The following NTRK1 variants were observed in gnomAD, a reference collection of about 807,000 sequenced individuals.
The protein encoded by NTRK1 is high affinity nerve growth factor receptor.
Under a neutral mutation model 86.8 loss-of-function variants are expected in NTRK1, and 62 were observed. The ratio of observed to expected loss-of-function variants is 0.71; its 90% CI spans 0.58 to 0.88. The LOEUF is 0.88. Among genes scored for constraint, NTRK1 ranks in the 40% least tolerant of loss-of-function variants. The pLI is 0.00. For missense variants in NTRK1, 967 were observed against 1,078.4 expected (o/e 0.90, Z 1.45); for synonymous variants, 469 against 456.6 (o/e 1.03, Z -0.35).
At position 156,868,179 on chromosome 1, in the gene NTRK1, C is replaced by T. The variant is rs144594313; in HGVS notation, c.504C>T (p.Gly168=). ...WLQRWEEEGL[G]GVPEQKLQCH... ...AGCGCTGGGAGGAGGAGGGACTGGGCGGAGTGCCTGAACAGAAGCTGCAGT... is the reference window on the plus strand; with the variant it reads ...AGCGCTGGGAGGAGGAGGGACTGGGTGGAGTGCCTGAACAGAAGCTGCAGT... Residue 168 remains glycine (G), a synonymous_variant, in exon 5 of 17, where the codon GGC becomes GGT. Coordinates refer to ENST00000524377, the MANE Select transcript of NTRK1 (RefSeq NM_002529.4). 1.2e-4 allele frequency: 201 copies of T among 1,613,648 alleles called. No individual in the cohort carries two copies. Among genetic ancestry groups the T allele is most frequent in the South Asian group, 8.9e-4 (81 of 91,092 alleles).
chr1:156,829,314 A>G (rs1571644566), intron 1 of NTRK1, among the ~76,000 whole-genome samples: 1 of 152,152 alleles, frequency 6.6e-6, no homozygotes, highest in Non-Finnish European at 1.5e-5. Flanking sequence ...AGCACACAGC[A>G]CAGCCACAGA....
chr1:156,853,907 G>A (rs55971900), intron 2 of NTRK1: 2 of 1,614,120 alleles, frequency 1.2e-6, no homozygotes, highest in East Asian at 4.5e-5. Flanking sequence ...GGCGCCAGGT[G>A]CTGGCTGCAG....
chr1:156,855,495 A>G (rs1571675077), intron 2 of NTRK1, among the ~76,000 whole-genome samples: 1 of 151,410 alleles, frequency 6.6e-6, no homozygotes, highest in East Asian at 2.0e-4. Flanking sequence ...GTGAACCACC[A>G]CGCCCGGCCT....
Position 156,849,018 on chromosome 1 carries a change from T to C in NTRK1, c.50+6825T>C, listed in dbSNP as rs1655109496. 1.9e-6 allele frequency: 3 copies of C among 1,613,504 alleles called. No individual in the cohort carries two copies. The African/African-American group carries it at 4.0e-5, about 22-fold the overall frequency. On this transcript the variant is annotated intron_variant, in intron 2 of 16. Transcript: ENST00000392302. ...AGGATGCGGTCTGCCTCCGTCACGTTGGACACGAAGCGCAGGGTGCGAGTC... is the reference window on the plus strand; with the variant it reads ...AGGATGCGGTCTGCCTCCGTCACGTCGGACACGAAGCGCAGGGTGCGAGTC...
intron 6 of NTRK1, among the ~76,000 whole-genome samples, chr1:156,869,393 T>C (rs992379038): frequency 1.3e-5 from 2 of 151,722 alleles, no homozygotes; most frequent in Admixed American, 6.6e-5. Flanking sequence ...CTTTTCTATA[T>C]AAGGAAACTG....
chr1:156,875,663 G>T lies in NTRK1; in HGVS notation c.1498G>T (p.Ala500Ser). ...IIENPQYFSD[A>S]CVHHIKRRDI... ...CGAGAACCCACAATACTTCAGTGAT[G>T]CCTGTGAGGGGCTATGCTGGGTCAA... is the stretch of plus-strand genomic sequence containing the variant. Residue 500 changes from alanine (A) to serine (S), a missense_variant, in exon 12 of 17, where the codon GCC (alanine) becomes TCC (serine). Transcript: ENST00000524377. 6.2e-7 allele frequency: 1 copy of T among 1,612,656 alleles called. No individual in the cohort carries two copies.
At chr1:156,823,205 T>C (rs1654234280) in intron 1 of NTRK1, among the ~76,000 whole-genome samples, 1 of 152,188 alleles carries the variant, frequency 6.6e-6, no homozygotes, top group Admixed American at 6.5e-5. Flanking sequence ...CTGATTCCAG[T>C]CCTTGATATC....
intron 2 of NTRK1, chr1:156,849,513 G>GGGGGGCTGGGGGGGGC: frequency 2.1e-6 from 1 of 486,122 alleles, no homozygotes; most frequent in Non-Finnish European, 4.1e-6. Context: ...CAGGGGGTGG[G>GGGGGGCTGGGGGGGGC]AAAGGGGATG....
intron 2 of NTRK1, chr1:156,849,513 G>GGGGGC: frequency 1.9e-5 from 9 of 486,106 alleles, no homozygotes; most frequent in East Asian, 1.1e-4. Context: ...CAGGGGGTGG[G>GGGGGC]AAAGGGGATG....
rs371344688 is a variant in NTRK1 at position 156,876,514 on chromosome 1, C to G, written c.1747C>G (p.Arg583Gly). 1.4e-5 allele frequency: 23 copies of G among 1,613,496 alleles called. No homozygotes were observed. The Admixed American group carries it at 3.8e-4, about 27-fold the overall frequency. The change falls in exon 14 of 17, where the codon CGC becomes GGC. Residue 583 changes from arginine to glycine, a missense_variant. By Grantham distance (125) the Arg-to-Gly change is moderately radical (BLOSUM62 -2). Coordinates refer to ENST00000524377, the MANE Select transcript of NTRK1 (RefSeq NM_002529.4). ...CTTCTTCGGCGTCTGCACCGAGGGC[C>G]GCCCCCTGCTCATGGTCTTTGAGTA... ...VRFFGVCTEG[R>G]PLLMVFEYMR...
At chr1:156,839,832 G>T (rs1359937648) in intron 1 of NTRK1, among the ~76,000 whole-genome samples, 1 of 152,148 alleles carries the variant, frequency 6.6e-6, no homozygotes, top group Admixed American at 6.5e-5. Flanking sequence ...TCCCTGCCGG[G>T]CTCAACCACT....
chr1:156,817,764 T>C (rs1453757064), intron 1 of NTRK1, among the ~76,000 whole-genome samples: 1 of 151,202 alleles, frequency 6.6e-6, no homozygotes, highest in Non-Finnish European at 1.5e-5. Flanking sequence ...TGCCTCAGCC[T>C]CCCGAGTAGC....
At chr1:156,841,517 A>T (rs1227090134) in intron 1 of NTRK1, 2 of 1,613,882 alleles carry the variant, frequency 1.2e-6, no homozygotes, top group South Asian at 2.2e-5. Context: ...CCAGAGTACC[A>T]CGCCAAAGGA....
chr1:156,861,169 G>T (rs775969588), intron 1 of NTRK1, 23 bp downstream of exon 1: 8 of 1,539,758 alleles, frequency 5.2e-6, no homozygotes, highest in Admixed American at 1.9e-5. Context: ...CGGGCGGTGG[G>T]GGGGCGCGGG....
chr1:156,838,436 G>A lies in NTRK1; in HGVS notation c.-63-3645G>A, dbSNP rs116115866. On this transcript the variant is annotated intron_variant, in intron 1 of 16. Transcript: ENST00000392302. ...GAAGAGGAGGGGGACCAAGACGGGT[G>A]TTTCTGTATTTCAGTCGCTGCATTT... Among the ~76,000 whole-genome samples, 671 of 151,912 alleles carry A rather than the reference G, an allele frequency of 4.4e-3. 3 individuals are homozygous for A. The highest frequency in any genetic ancestry group is 0.016 in the African/African-American group (649 of 41,400).
intron 1 of NTRK1, among the ~76,000 whole-genome samples, chr1:156,818,242 C>A (rs1039610445): frequency 6.6e-6 from 1 of 151,988 alleles, no homozygotes; most frequent in South Asian, 2.1e-4. Context: ...AAAAAAAAAA[C>A]TTTGTTTCAA....
chr1:156,846,140 C>T, intron 2 of NTRK1: 1 of 1,566,294 alleles, frequency 6.4e-7, no homozygotes, highest in Middle Eastern at 1.7e-4. Context: ...GAGAAGGATG[C>T]AACTCAGGGG....
chr1:156,832,939 C>T (rs894927764), intron 1 of NTRK1, among the ~76,000 whole-genome samples: 5 of 152,244 alleles, frequency 3.3e-5, no homozygotes, highest in Non-Finnish European at 5.9e-5. Context: ...GACTTCTTCA[C>T]CCACTGCAGG....
chr1:156,823,399 A>C (rs973405808), intron 1 of NTRK1, among the ~76,000 whole-genome samples: 1 of 152,142 alleles, frequency 6.6e-6, no homozygotes, highest in African/African-American at 2.4e-5. Flanking sequence ...ATGACTAATT[A>C]TGGGTGATGG....
Sources: gnomAD v4.1 joint callset for allele counts (sites outside exome capture counted in the v4.1 genomes callset) on GRCh38, gnomAD v4.1.1 for gene constraint, MANE v1.5 for transcripts, NCBI Gene and HGNC (gene_info 2026-07-23, HGNC 2026-07-21) for gene names.